Variants in RGS6 observed in about 807,000 individuals in gnomAD.
RGS6 encodes regulator of G-protein signaling 6.
A neutral mutation model predicts 78.5 loss-of-function variants in RGS6; 30 were observed. That is an observed-to-expected ratio of 0.38 (90% confidence interval 0.29 to 0.52). The LOEUF is 0.52. Among genes scored for constraint, RGS6 ranks in the 20% least tolerant of loss-of-function variants. RGS6 has a pLI of 0.85. For missense variants in RGS6, 495 were observed against 609.7 expected (o/e 0.81, Z 1.98); for synonymous variants, 206 against 206.0 (o/e 1.00, Z 0.00).
intron 2 of RGS6, among the ~76,000 whole-genome samples, chr14:72,104,327 A>C (rs2095588659): frequency 6.6e-6 from 1 of 152,108 alleles, no homozygotes; most frequent in Non-Finnish European, 1.5e-5. Flanking sequence ...ACTTTGAGTG[A>C]TATATTTCCC....
chr14:72,375,577 G>A (rs1399745720), intron 3 of RGS6, among the ~76,000 whole-genome samples: 1 of 152,146 alleles, frequency 6.6e-6, no homozygotes, highest in East Asian at 1.9e-4. Context: ...CCCCTAGACA[G>A]AGTAACAGCC....
At chr14:71,990,799 C>G (rs2094924867) in intron 2 of RGS6, 1 of 455,942 alleles carries the variant, frequency 2.2e-6, no homozygotes, top group East Asian at 6.9e-5. Context: ...AAAAAGACAT[C>G]TCTGTTTGAA....
At chr14:72,536,668 T>A (rs2097254987) in intron 16 of RGS6, among the ~76,000 whole-genome samples, 1 of 152,118 alleles carries the variant, frequency 6.6e-6, no homozygotes, top group Non-Finnish European at 1.5e-5. Context: ...CACCTCAGAC[T>A]TCTCTCCCTG....
intron 2 of RGS6, among the ~76,000 whole-genome samples, chr14:72,313,122 G>T (rs2069073875): frequency 6.6e-6 from 1 of 152,176 alleles, no homozygotes; most frequent in Non-Finnish European, 1.5e-5. Flanking sequence ...AGTACCTTGT[G>T]TCTCAACATC....
At chr14:72,076,442 C>CA (rs2094576836) in intron 2 of RGS6, among the ~76,000 whole-genome samples, 1 of 152,162 alleles carries the variant, frequency 6.6e-6, no homozygotes, top group South Asian at 2.1e-4. Context: ...ATGAACACTC[C>CA]AGTGAATATC....
intron 3 of RGS6, among the ~76,000 whole-genome samples, chr14:72,441,016 C>T (rs927860743): frequency 6.6e-6 from 1 of 151,964 alleles, no homozygotes; most frequent in African/African-American, 2.4e-5. Context: ...TGAGTGTTGC[C>T]TGCATGCGAG....
intron 2 of RGS6, among the ~76,000 whole-genome samples, chr14:72,081,721 C>T (rs2094832128): frequency 6.6e-6 from 1 of 152,030 alleles, no homozygotes; most frequent in East Asian, 1.9e-4. Context: ...ACTAGAATGT[C>T]TGAGCCTTTT....
the RGS6 span, among the ~76,000 whole-genome samples, chr14:71,924,958 C>T: frequency 2.6e-5 from 4 of 152,310 alleles, no homozygotes; most frequent in Non-Finnish European, 4.4e-5. Context: ...ATTGCTGGGT[C>T]GTGTGGCAGT....
At chr14:72,525,479 A>G (rs2097105619) in intron 15 of RGS6, among the ~76,000 whole-genome samples, 1 of 152,250 alleles carries the variant, frequency 6.6e-6, no homozygotes. Flanking sequence ...AAAAGAGCTG[A>G]GAAAGATACC....
intron 3 of RGS6, among the ~76,000 whole-genome samples, chr14:72,442,746 C>T (rs1241346925): frequency 1.3e-5 from 2 of 152,218 alleles, no homozygotes; most frequent in African/African-American, 4.8e-5. Flanking sequence ...TGGAAGGTCA[C>T]AGAGCTGGTG....
At chr14:72,286,410 A>G (rs2062560287) in intron 2 of RGS6, among the ~76,000 whole-genome samples, 1 of 152,082 alleles carries the variant, frequency 6.6e-6, no homozygotes, top group African/African-American at 2.4e-5. Context: ...TGATTACTCT[A>G]GGTTCGTTAT....
intron 17 of RGS6, among the ~76,000 whole-genome samples, chr14:72,542,959 G>A (rs769071142): frequency 1.5e-4 from 23 of 152,148 alleles, no homozygotes; most frequent in Admixed American, 4.6e-4. Context: ...GAAGGGGCCT[G>A]GTACTCCCCA....
At chr14:72,020,097 A>C (rs1172335020) in intron 2 of RGS6, among the ~76,000 whole-genome samples, 1 of 152,212 alleles carries the variant, frequency 6.6e-6, no homozygotes, top group Non-Finnish European at 1.5e-5. Flanking sequence ...GAATTTTCTC[A>C]GTGTACAGTA....
intron 3 of RGS6, among the ~76,000 whole-genome samples, chr14:72,378,386 G>GA (rs1206630152): frequency 2.0e-5 from 3 of 149,762 alleles, no homozygotes; most frequent in East Asian, 2.0e-4. Context: ...GAAACTGAAG[G>GA]AAAAAATACA....
At chr14:72,502,636 C>G (rs917566860) in intron 13 of RGS6, among the ~76,000 whole-genome samples, 2 of 152,134 alleles carry the variant, frequency 1.3e-5, no homozygotes, top group African/African-American at 4.8e-5. Flanking sequence ...TGGTGGCAGG[C>G]AGCTGTAATC....
intron 2 of RGS6, among the ~76,000 whole-genome samples, chr14:72,113,068 A>G (rs1283677790): frequency 7.5e-6 from 1 of 133,868 alleles, no homozygotes; most frequent in Non-Finnish European, 1.7e-5. Context: ...ACACTTACAC[A>G]CACACACACG....
At chr14:72,220,160 G>C (rs1345478020) in intron 2 of RGS6, among the ~76,000 whole-genome samples, 2 of 152,076 alleles carry the variant, frequency 1.3e-5, no homozygotes, top group African/African-American at 4.8e-5. Context: ...AAATATCTAG[G>C]AATACAGCTA....
the RGS6 span, among the ~76,000 whole-genome samples, chr14:71,888,501 A>C: frequency 1.3e-5 from 2 of 151,824 alleles, no homozygotes; most frequent in Non-Finnish European, 2.9e-5. Context: ...CTATTGATTG[A>C]GGCTCATCCC....
the RGS6 span, among the ~76,000 whole-genome samples, chr14:72,601,955 T>G: frequency 1.3e-5 from 2 of 152,366 alleles, no homozygotes; most frequent in South Asian, 4.1e-4. Context: ...CTGGGGGCGC[T>G]TGTGGCCTTT....
Sources: gnomAD v4.1 joint callset for allele counts (sites outside exome capture counted in the v4.1 genomes callset) on GRCh38, gnomAD v4.1.1 for gene constraint, MANE v1.5 for transcripts, NCBI Gene and HGNC (gene_info 2026-07-23, HGNC 2026-07-21) for gene names.